The following CFAP210 variants were observed in gnomAD, a reference collection of about 807,000 sequenced individuals.
CFAP210 encodes the protein cilia- and flagella- associated protein 210.
At chr2:169,694,003 C>T in the CFAP210 span, among the ~76,000 whole-genome samples, 1 of 151,960 alleles carries the variant, frequency 6.6e-6, no homozygotes, top group Non-Finnish European at 1.5e-5. Context: ...TCTCTGATTT[C>T]CTATCTTTTC....
chr2:169,694,161 T>A, the CFAP210 span: 41 of 1,182,760 alleles, frequency 3.5e-5, no homozygotes, highest in Non-Finnish European at 5.0e-6. Flanking sequence ...GGAGTCCATT[T>A]CAAAAGGCAA....
the CFAP210 span, among the ~76,000 whole-genome samples, chr2:169,651,425 C>T: frequency 6.6e-6 from 1 of 151,846 alleles, no homozygotes; most frequent in African/African-American, 2.4e-5. Context: ...GAGACTGAGT[C>T]TCACTGTCAC....
At chr2:169,662,460 T>C in the CFAP210 span, 3 of 1,549,802 alleles carry the variant, frequency 1.9e-6, no homozygotes, top group African/African-American at 1.4e-5. Context: ...ATAATTATAA[T>C]TGAGAACAAA....
the CFAP210 span, chr2:169,649,159 TATA>T: frequency 6.4e-7 from 1 of 1,562,028 alleles, no homozygotes; most frequent in East Asian, 2.3e-5. Context: ...CTAACATAAT[TATA>T]AACATTCAGG....
the CFAP210 span, among the ~76,000 whole-genome samples, chr2:169,693,645 G>A: frequency 1.3e-5 from 2 of 152,208 alleles, no homozygotes; most frequent in Non-Finnish European, 2.9e-5. Flanking sequence ...TTCTTTAGAA[G>A]TCTATTTCTA....
At chr2:169,661,924 T>C in the CFAP210 span, among the ~76,000 whole-genome samples, 3 of 152,194 alleles carry the variant, frequency 2.0e-5, no homozygotes, top group Non-Finnish European at 4.4e-5. Context: ...AGAATGACAG[T>C]TATTCTATCA....
chr2:169,651,255 C>T, the CFAP210 span, among the ~76,000 whole-genome samples: 861 of 149,558 alleles, frequency 5.8e-3, 7 homozygotes, highest in African/African-American at 0.02. Context: ...TTTAGCCAAG[C>T]GCAGTGGCAC....
the CFAP210 span, among the ~76,000 whole-genome samples, chr2:169,667,200 G>A: frequency 1.8e-3 from 266 of 147,012 alleles, no homozygotes; most frequent in African/African-American, 6.0e-3. Flanking sequence ...GTGCAATGGC[G>A]CAATCTCGGC....
the CFAP210 span, chr2:169,650,352 T>G: frequency 6.3e-7 from 1 of 1,594,866 alleles, no homozygotes; most frequent in East Asian, 2.2e-5. Context: ...TATTCTGCAA[T>G]TGTTTTTAAT....
At chr2:169,650,437 A>G in the CFAP210 span, 1 of 1,607,178 alleles carries the variant, frequency 6.2e-7, no homozygotes, top group East Asian at 2.2e-5. Context: ...TATCTCTAGC[A>G]ATAATCATAT....
the CFAP210 span, among the ~76,000 whole-genome samples, chr2:169,685,455 C>A: frequency 6.6e-6 from 1 of 152,072 alleles, no homozygotes; most frequent in Non-Finnish European, 1.5e-5. Flanking sequence ...TAAAAATGGG[C>A]TGTCTTTTTA....
At chr2:169,650,392 TTC>T in the CFAP210 span, 5 of 1,605,180 alleles carry the variant, frequency 3.1e-6, no homozygotes, top group African/African-American at 6.7e-5. Context: ...CTTTTTCTCT[TTC>T]TCTTTTTTCC....
the CFAP210 span, among the ~76,000 whole-genome samples, chr2:169,676,394 C>T: frequency 1.3e-5 from 2 of 151,404 alleles, no homozygotes; most frequent in South Asian, 2.1e-4. Flanking sequence ...ATATCCCCAT[C>T]CCCTATCCCT....
the CFAP210 span, among the ~76,000 whole-genome samples, chr2:169,687,875 A>G: frequency 8.8e-6 from 1 of 113,048 alleles, no homozygotes; most frequent in Non-Finnish European, 2.0e-5. Flanking sequence ...TCTGCAGCAA[A>G]CTTTTGCCTG....
At chr2:169,661,388 T>C in the CFAP210 span, 2 of 382,512 alleles carry the variant, frequency 5.2e-6, no homozygotes. Flanking sequence ...CCTTATCCTT[T>C]TATCCTCCTC....
chr2:169,688,374 T>A, the CFAP210 span, among the ~76,000 whole-genome samples: 883 of 152,356 alleles, frequency 5.8e-3, 12 homozygotes, highest in African/African-American at 0.02. Flanking sequence ...TGAAACTGAA[T>A]GCTCTTAACA....
the CFAP210 span, among the ~76,000 whole-genome samples, chr2:169,647,058 T>C: frequency 6.6e-6 from 1 of 152,178 alleles, no homozygotes. Context: ...AGCAACCATA[T>C]TAGTGTGAAA....
At chr2:169,646,068 C>G in the CFAP210 span, 1 of 1,613,878 alleles carries the variant, frequency 6.2e-7, no homozygotes. Context: ...AGTTCAATTA[C>G]CTCTCTGGCA....
At chr2:169,654,959 C>T in the CFAP210 span, among the ~76,000 whole-genome samples, 6 of 152,144 alleles carry the variant, frequency 3.9e-5, no homozygotes, top group African/African-American at 1.4e-4. Context: ...CCAAACTTTG[C>T]TTTTGCATAC....
Sources: gnomAD v4.1 joint callset for allele counts (sites outside exome capture counted in the v4.1 genomes callset) on GRCh38, gnomAD v4.1.1 for gene constraint, MANE v1.5 for transcripts, NCBI Gene and HGNC (gene_info 2026-07-23, HGNC 2026-07-21) for gene names.